Variants in CHCHD3 observed in about 807,000 individuals in gnomAD.
CHCHD3 encodes the protein coiled-coil-helix-coiled-coil-helix domain containing 3.
In CHCHD3, 20 loss-of-function variants were observed where a neutral mutation model predicts 38.2. That is an observed-to-expected ratio of 0.52 (90% CI 0.37 to 0.76). The LOEUF (loss-of-function observed/expected upper bound fraction) is 0.76. Among genes scored for constraint, CHCHD3 ranks in the 30% least tolerant of loss-of-function variants. The pLI is 0.00. For synonymous variants in CHCHD3, 82 were observed against 100.0 expected, an observed-to-expected ratio of 0.82 and a Z score of 1.07; for missense variants, 245 against 279.2, an observed-to-expected ratio of 0.88 and a Z score of 0.87.
chr7:132,888,832 G>A (rs1483960670), intron 4 of CHCHD3, among the ~76,000 whole-genome samples: 1 of 151,998 alleles, frequency 6.6e-6, no homozygotes, highest in Non-Finnish European at 1.5e-5. Flanking sequence ...AAAATAGCAT[G>A]TGCCCTAAGC....
At chr7:133,022,079 TC>T (rs984266430) in intron 3 of CHCHD3, among the ~76,000 whole-genome samples, 4 of 151,510 alleles carry the variant, frequency 2.6e-5, no homozygotes, top group African/African-American at 9.7e-5. Flanking sequence ...AGAGCGAGAC[TC>T]CATCTCAAAA....
At chr7:132,858,751 T>C (rs1228522975) in intron 5 of CHCHD3, among the ~76,000 whole-genome samples, 4 of 152,220 alleles carry the variant, frequency 2.6e-5, no homozygotes, top group Non-Finnish European at 4.4e-5. Context: ...AAGGTATAAA[T>C]GCTAATAATA....
intron 4 of CHCHD3, among the ~76,000 whole-genome samples, chr7:132,905,257 T>G (rs533627942): frequency 6.6e-6 from 1 of 151,844 alleles, no homozygotes; most frequent in East Asian, 1.9e-4. Flanking sequence ...TAATACTAAT[T>G]TAAAAAAGCC....
chr7:132,794,387 G>T (rs1806549173), intron 7 of CHCHD3, among the ~76,000 whole-genome samples: 1 of 152,078 alleles, frequency 6.6e-6, no homozygotes, highest in African/African-American at 2.4e-5. Flanking sequence ...CTGGAAAATG[G>T]TGAAAATAAA....
At chr7:133,015,094 C>A (rs189164508) in intron 3 of CHCHD3, among the ~76,000 whole-genome samples, 2 of 152,176 alleles carry the variant, frequency 1.3e-5, no homozygotes, top group African/African-American at 4.8e-5. Flanking sequence ...GTAATCCCAA[C>A]ACTTTTGGAG....
At position 132,906,447 on chromosome 7, in the gene CHCHD3, G is replaced by A. The variant is rs573950971; in HGVS notation, c.370-20702C>T. On this transcript the variant is annotated intron_variant, in intron 4 of 7. Coordinates refer to ENST00000262570, the MANE Select transcript of CHCHD3 (RefSeq NM_017812.4). ...CCTCCACCTCTTTCCTGAAAGATGA[G>A]CATTGAGTACCATTTCATAACCTTT... Among the ~76,000 whole-genome samples, 5 of 152,282 alleles carry A rather than the reference G, an allele frequency of 3.3e-5. No individual in the cohort carries two copies. In the East Asian group the frequency reaches 9.6e-4, roughly 29 times the overall value.
At chr7:133,069,552 A>G (rs1376644114) in intron 2 of CHCHD3, among the ~76,000 whole-genome samples, 1 of 152,210 alleles carries the variant, frequency 6.6e-6, no homozygotes, top group Non-Finnish European at 1.5e-5. Context: ...TTAGTAAAAT[A>G]CTGGATAAAC....
intron 2 of CHCHD3, among the ~76,000 whole-genome samples, chr7:133,043,133 G>T (rs1813878243): frequency 6.6e-6 from 1 of 152,122 alleles, no homozygotes; most frequent in Non-Finnish European, 1.5e-5. Context: ...TTCCCAAAGT[G>T]CTGGGATTAC....
intron 3 of CHCHD3, among the ~76,000 whole-genome samples, chr7:132,977,554 CT>C (rs1811801125): frequency 6.6e-6 from 1 of 152,082 alleles, no homozygotes; most frequent in African/African-American, 2.4e-5. Context: ...AAAGCATTAC[CT>C]ATTTTTACCA....
In CHCHD3 at chr7:133,038,610, G is replaced by A. The variant is rs183119794; in HGVS notation, c.170-13983C>T. Among the ~76,000 whole-genome samples, 16 of 152,284 alleles carry A rather than the reference G, an allele frequency of 1.1e-4. No homozygotes were observed. In the East Asian group the frequency reaches 3.1e-3, roughly 29 times the overall value. On this transcript the variant is annotated intron_variant, in intron 2 of 7. Coordinates refer to ENST00000262570, the MANE Select transcript of CHCHD3 (RefSeq NM_017812.4). ...TATGATGAATGATATATGTTACCAA[G>A]GACAGCTGATGAAAAATTCTTGGCC...
intron 6 of CHCHD3, among the ~76,000 whole-genome samples, chr7:132,797,189 C>A (rs1374151333): frequency 6.6e-6 from 1 of 152,174 alleles, no homozygotes; most frequent in Admixed American, 6.5e-5. Context: ...TGGCCTTCAC[C>A]CCCCAACCCT....
At chr7:133,048,187 G>C (rs148421178) in intron 2 of CHCHD3, among the ~76,000 whole-genome samples, 6 of 152,114 alleles carry the variant, frequency 3.9e-5, no homozygotes, top group Non-Finnish European at 7.4e-5. Flanking sequence ...TTACTTCGTG[G>C]AGACAGCCAT....
At position 133,034,895 on chromosome 7, in the gene CHCHD3, G is replaced by C. The variant is rs111673548; in HGVS notation, c.170-10268C>G. 1.9e-3 allele frequency: 3,025 copies of C among 1,609,982 alleles called. 28 individuals are homozygous for C. In the Middle Eastern group the frequency reaches 0.029, roughly 15 times the overall value. On this transcript the variant is annotated intron_variant, in intron 2 of 7. Transcript: ENST00000262570. ...TGTCCAGTCGCTGGAACATTCCAGTGATGAGATTGCAGCTCATGAAGGTCT... is the reference window on the plus strand; with the variant it reads ...TGTCCAGTCGCTGGAACATTCCAGTCATGAGATTGCAGCTCATGAAGGTCT...
chr7:132,796,768 T>C (rs1270836722), intron 6 of CHCHD3, among the ~76,000 whole-genome samples, 191 bp from the exon 7 acceptor site: 2 of 152,074 alleles, frequency 1.3e-5, no homozygotes, highest in Non-Finnish European at 2.9e-5. Flanking sequence ...AAAGGGTAAA[T>C]AAATTCTAAG....
At chr7:132,934,588 G>A (rs958632938) in intron 4 of CHCHD3, among the ~76,000 whole-genome samples, 5 of 152,080 alleles carry the variant, frequency 3.3e-5, no homozygotes, top group African/African-American at 9.7e-5. Context: ...AGAGAGCAGC[G>A]GCCTGTGTAT....
chr7:132,835,606 A>G (rs996335440), intron 6 of CHCHD3, among the ~76,000 whole-genome samples: 4 of 152,194 alleles, frequency 2.6e-5, no homozygotes, highest in Non-Finnish European at 5.9e-5. Context: ...GATTCAGGAC[A>G]GAGATTTTTG....
At chr7:133,000,058 CA>C (rs1812524289) in intron 3 of CHCHD3, among the ~76,000 whole-genome samples, 1 of 152,044 alleles carries the variant, frequency 6.6e-6, no homozygotes, top group Admixed American at 6.6e-5. Flanking sequence ...ATTTTATCAA[CA>C]ATTATTTCAA....
At chr7:132,799,598 G>A (rs1266973867) in intron 6 of CHCHD3, among the ~76,000 whole-genome samples, 1 of 152,134 alleles carries the variant, frequency 6.6e-6, no homozygotes, top group Non-Finnish European at 1.5e-5. Flanking sequence ...AATGGTAAGA[G>A]AAGGATGAAA....
chr7:133,030,328 T>A (rs1813465720), intron 2 of CHCHD3, among the ~76,000 whole-genome samples: 1 of 152,204 alleles, frequency 6.6e-6, no homozygotes, highest in East Asian at 1.9e-4. Flanking sequence ...AGACCACTAT[T>A]TAAAATGGCC....
Sources: allele counts gnomAD v4.1 joint callset (sites outside exome capture counted in the v4.1 genomes callset), GRCh38; gene constraint gnomAD v4.1.1; transcripts MANE v1.5; gene names NCBI Gene and HGNC (gene_info 2026-07-23, HGNC 2026-07-21).